The following PHACTR1 variants were observed in gnomAD, a reference collection of about 807,000 sequenced individuals.
The protein encoded by PHACTR1 is phosphatase and actin regulator 1.
A neutral mutation model predicts 69.2 loss-of-function variants in PHACTR1; 16 were observed. The observed-to-expected ratio is 0.23, with a 90% CI of 0.16 to 0.35. PHACTR1 has a LOEUF of 0.35. Ranked by LOEUF, PHACTR1 falls within the 10% of genes least tolerant of loss-of-function variation. The pLI is 1.00. For synonymous variants in PHACTR1, 312 were observed against 284.5 expected (o/e 1.10, Z -0.97); for missense variants, 510 against 734.7 (o/e 0.69, Z 3.54).
chr6:13,059,491 CACAA>C lies in PHACTR1; in HGVS notation c.415+5964_415+5967del, dbSNP rs1220633826. On this transcript the variant is annotated intron_variant, in intron 5 of 14. Coordinates refer to ENST00000332995, the MANE Select transcript of PHACTR1 (RefSeq NM_030948.6). ...ACACACACACACACACACACACACA[CACAA>C]AACCCACAGAGGAACACAAGGGAAC... is the stretch of plus-strand genomic sequence containing the variant. Among the ~76,000 whole-genome samples, 923 of 135,254 alleles carry C rather than the reference CACAA, an allele frequency of 6.8e-3. 11 individuals are homozygous for C. The highest frequency in any genetic ancestry group is 0.022 in the African/African-American group (848 of 39,140). 88.7% of individuals were successfully genotyped at this position (135,254 alleles called of 152,430 possible). A position where few individuals can be genotyped will look rare whatever the true frequency, so the allele number is the denominator to read the frequency against.
chr6:12,822,539 T>C lies in PHACTR1; in HGVS notation c.250+72749T>C, dbSNP rs1358909588. 9.2e-5 allele frequency among the ~76,000 whole-genome samples: 14 copies of C among 152,108 alleles called. 1 individual carries two copies. Among genetic ancestry groups the C allele is most frequent in the Non-Finnish European group, 1.8e-4 (12 of 68,014 alleles). On this transcript the variant is annotated intron_variant, in intron 4 of 14. Coordinates refer to ENST00000332995, the MANE Select transcript of PHACTR1 (RefSeq NM_030948.6). ...ACGGTCAGAAGAAACCACAGCCGGG[T>C]CCTAAAAGTTCTAAGCAACTAATAT...
At chr6:13,187,150 C>T (rs1014167983) in intron 7 of PHACTR1, among the ~76,000 whole-genome samples, 3 of 152,136 alleles carry the variant, frequency 2.0e-5, no homozygotes, top group Non-Finnish European at 4.4e-5. Flanking sequence ...CTCACTCACC[C>T]GCCACTCACC....
At chr6:13,267,430 A>T (rs1480729014) in intron 10 of PHACTR1, 1 of 151,956 alleles carries the variant, frequency 6.6e-6, no homozygotes, top group Non-Finnish European at 1.5e-5. Context: ...TCTTCTTCAC[A>T]GTTTTGCCTT....
intron 1 of PHACTR1, among the ~76,000 whole-genome samples, chr6:12,717,152 C>T (rs965258374): frequency 6.6e-6 from 1 of 152,080 alleles, no homozygotes; most frequent in African/African-American, 2.4e-5. Flanking sequence ...GAATGTCTAA[C>T]GTATGTTAAG....
intron 4 of PHACTR1, among the ~76,000 whole-genome samples, chr6:13,011,421 T>C (rs1188146162): frequency 6.6e-6 from 1 of 152,186 alleles, no homozygotes; most frequent in East Asian, 1.9e-4. Context: ...ACAAGAGAAA[T>C]GACTCTCCCA....
intron 5 of PHACTR1, among the ~76,000 whole-genome samples, chr6:13,054,114 C>T (rs1410236028): frequency 1.3e-5 from 2 of 152,196 alleles, no homozygotes; most frequent in African/African-American, 4.8e-5. Context: ...ATCCTGGAGC[C>T]ACACTTCCTG....
At chr6:12,783,664 CAT>C (rs1771114452) in intron 4 of PHACTR1, among the ~76,000 whole-genome samples, 1 of 152,156 alleles carries the variant, frequency 6.6e-6, no homozygotes, top group African/African-American at 2.4e-5. Context: ...AGATATTTTA[CAT>C]ATATTTCAAA....
chr6:13,075,920 C>G (rs1057061771), intron 5 of PHACTR1, among the ~76,000 whole-genome samples: 5 of 151,972 alleles, frequency 3.3e-5, no homozygotes, highest in Admixed American at 6.6e-5. Flanking sequence ...ATTAATACAG[C>G]TAAGAATTTT....
chr6:13,077,880 G>A (rs1810773154), intron 5 of PHACTR1, among the ~76,000 whole-genome samples: 1 of 152,134 alleles, frequency 6.6e-6, no homozygotes, highest in Admixed American at 6.6e-5. Flanking sequence ...GGGAGAAGGA[G>A]AAATCAAAGA....
chr6:12,852,488 T>A (rs1779933406), intron 4 of PHACTR1, among the ~76,000 whole-genome samples: 1 of 152,182 alleles, frequency 6.6e-6, no homozygotes, highest in Admixed American at 6.5e-5. Context: ...GTGGCAGAAT[T>A]GAGCAAGACA....
At chr6:12,877,801 G>T (rs1782689700) in intron 4 of PHACTR1, among the ~76,000 whole-genome samples, 1 of 152,148 alleles carries the variant, frequency 6.6e-6, no homozygotes, top group Non-Finnish European at 1.5e-5. Flanking sequence ...GTTCTCAACT[G>T]CACTGTGCGC....
chr6:13,089,865 A>G (rs895853863), intron 5 of PHACTR1, among the ~76,000 whole-genome samples: 2 of 152,200 alleles, frequency 1.3e-5, no homozygotes, highest in African/African-American at 4.8e-5. Flanking sequence ...AAATGCAGCC[A>G]CATGCCCTGT....
At position 12,866,647 on chromosome 6, in the gene PHACTR1, C is replaced by T. The variant is rs115054429; in HGVS notation, c.250+116857C>T. On this transcript the variant is annotated intron_variant, in intron 4 of 14. Coordinates refer to ENST00000332995, the MANE Select transcript of PHACTR1 (RefSeq NM_030948.6). ...GGTAATTGAGAAGTCATATTCACAA[C>T]GTACCATTTATATTCACAATGGTTA... Among the ~76,000 whole-genome samples the T allele has an allele frequency of 3.6e-3, 554 of 152,298 alleles. 2 individuals carry two copies. The highest frequency in any genetic ancestry group is 0.012 in the African/African-American group (509 of 41,556).
rs563759516 is a variant in PHACTR1 at position 13,283,522 on chromosome 6, G to A, written c.1610G>A (p.Arg537Lys). 1.2e-6 allele frequency: 2 copies of A among 1,613,874 alleles called. No individual in the cohort carries two copies. The highest frequency in any genetic ancestry group is 1.3e-5 in the African/African-American group (1 of 75,024). Residue 537 changes from arginine to lysine, a missense_variant, in exon 13 of 15, where the codon AGG becomes AAG. Physicochemically the swap from Arg to Lys is conservative, Grantham distance 26. Transcript: ENST00000332995. This position sits in a 1 kb window ranked among gnomAD's most constrained non-coding sequence, Gnocchi z 4.7. ...GCTGACGCTCAGGACTATGACCGCA[G>A]GGCAGATAAGCCGTGGACCCGCCTC... ...EVADAQDYDR[R>K]ADKPWTRLTA...
chr6:13,041,343 C>CACACACACAT (rs1561736160), intron 4 of PHACTR1, among the ~76,000 whole-genome samples: 1 of 121,378 alleles, frequency 8.2e-6, no homozygotes, highest in Admixed American at 7.5e-5. Flanking sequence ...AATACATACA[C>CACACACACAT]ACACACACAC....
At position 12,749,391 on chromosome 6, in the gene PHACTR1, C is replaced by G. The variant is rs1203416270; in HGVS notation, c.104-253C>G. 7.1e-6 allele frequency: 4 copies of G among 564,124 alleles called. No individual in the cohort carries two copies. The East Asian group carries it at 1.6e-4, about 22-fold the overall frequency. 34.9% of individuals were successfully genotyped at this position (564,124 alleles called of 1,614,324 possible). A position where few individuals can be genotyped will look rare whatever the true frequency, so the allele number is the denominator to read the frequency against. The stretch of plus-strand genomic sequence containing the variant: ...AGCCCCGGGCGCCAGCCAGGGATAG[C>G]CTGATCTCTGCTCCAGTCCACAGAT... On this transcript the variant is annotated intron_variant, in intron 3 of 14. Coordinates refer to ENST00000332995, the MANE Select transcript of PHACTR1 (RefSeq NM_030948.6).
chr6:12,812,015 C>T (rs960544423), intron 4 of PHACTR1, among the ~76,000 whole-genome samples: 11 of 151,950 alleles, frequency 7.2e-5, no homozygotes, highest in East Asian at 3.9e-4. Context: ...ATGCACATAA[C>T]GTAAAATTAA....
intron 5 of PHACTR1, among the ~76,000 whole-genome samples, chr6:13,122,599 A>G (rs1818907645): frequency 6.6e-6 from 1 of 152,244 alleles, no homozygotes; most frequent in South Asian, 2.1e-4. Flanking sequence ...AGTTGTTGAA[A>G]TGGGGGATGA....
intron 5 of PHACTR1, among the ~76,000 whole-genome samples, chr6:13,062,412 T>G (rs1336195602): frequency 6.6e-6 from 1 of 152,246 alleles, no homozygotes; most frequent in East Asian, 1.9e-4. Context: ...GGCTAGATTC[T>G]GCTTCCTTTA....
Sources: gnomAD v4.1 joint callset for allele counts (sites outside exome capture counted in the v4.1 genomes callset) on GRCh38, gnomAD v4.1.1 for gene constraint, Gnocchi (gnomAD v3.1) non-coding constraint, MANE v1.5 for transcripts, NCBI Gene and HGNC (gene_info 2026-07-23, HGNC 2026-07-21) for gene names.